NRXN3: variants seen among roughly 807,000 people sequenced by gnomAD.
The protein encoded by NRXN3 is neurexin III.
NRXN3 carries 32 observed loss-of-function variants against 137.6 expected under a neutral mutation model. The ratio of observed to expected loss-of-function variants is 0.23; its 90% confidence interval spans 0.18 to 0.31. The LOEUF is 0.31. Among genes scored for constraint, NRXN3 ranks in the 10% least tolerant of loss-of-function variants. NRXN3 has a pLI of 1.00. For synonymous variants in NRXN3, 798 were observed against 784.5 expected, an observed-to-expected ratio of 1.02 and a Z score of -0.29; for missense variants, 1,574 against 2,062.5, an observed-to-expected ratio of 0.76 and a Z score of 4.59.
intron 4 of NRXN3, among the ~76,000 whole-genome samples, chr14:78,318,647 C>T (rs529730045): frequency 4.6e-4 from 70 of 152,222 alleles, no homozygotes; most frequent in African/African-American, 1.6e-3. Context: ...AATGTCACTG[C>T]GGGTGTTAGC....
At chr14:79,129,606 T>A (rs1188331608) in intron 15 of NRXN3, among the ~76,000 whole-genome samples, 16 of 135,304 alleles carry the variant, frequency 1.2e-4, no homozygotes, top group African/African-American at 3.8e-4. Context: ...AAGTATGTGG[T>A]CAATTTTGGA....
intron 19 of NRXN3, among the ~76,000 whole-genome samples, chr14:79,701,235 G>A (rs913266341): frequency 2.0e-5 from 3 of 152,064 alleles, no homozygotes; most frequent in Non-Finnish European, 2.9e-5. Context: ...TAGCTTACAT[G>A]ACCCCAGACA....
At chr14:79,269,043 C>CTTATTTTATT (rs71131690) in intron 15 of NRXN3, among the ~76,000 whole-genome samples, 49,214 of 150,232 alleles carry the variant, frequency 0.33, 8,443 homozygotes, top group East Asian at 0.44. Flanking sequence ...TTTTATTTTT[C>CTTATTTTATT]TTATTTTATT....
intron 4 of NRXN3, among the ~76,000 whole-genome samples, chr14:78,462,991 A>G (rs573447374): frequency 1.6e-3 from 249 of 152,210 alleles, no homozygotes; most frequent in Middle Eastern, 0.01. Context: ...TTTATCCCTC[A>G]TCCCCTCCCA....
At chr14:78,222,885 A>C (rs2064020905) in intron 1 of NRXN3, among the ~76,000 whole-genome samples, 1 of 152,236 alleles carries the variant, frequency 6.6e-6, no homozygotes, top group Non-Finnish European at 1.5e-5. Flanking sequence ...CAGTGCTAGC[A>C]GCACACTCAG....
At chr14:79,421,807 G>T (rs867730012) in intron 15 of NRXN3, among the ~76,000 whole-genome samples, 2 of 151,432 alleles carry the variant, frequency 1.3e-5, no homozygotes, top group South Asian at 2.1e-4. Context: ...AGCATCAAAA[G>T]AAAAAAAAGT....
chr14:78,421,471 G>A (rs957646405), intron 4 of NRXN3, among the ~76,000 whole-genome samples: 5 of 151,978 alleles, frequency 3.3e-5, no homozygotes, highest in African/African-American at 9.7e-5. Flanking sequence ...TAAAAACTAC[G>A]TTTTAGGAGA....
rs146723254 is a variant in NRXN3, at chr14:78,929,232, G to C, written c.2276-28010G>C. On this transcript the variant is annotated intron_variant, in intron 10 of 20. Transcript: ENST00000335750. ...TTTAATTTTTATTTTGAGTTCAGGG[G>C]TACATGTGCATGTTTTTTATATAGA... Among the ~76,000 whole-genome samples, 1,024 of 152,080 alleles carry C rather than the reference G, an allele frequency of 6.7e-3. 2 individuals carry two copies. Among genetic ancestry groups the C allele is most frequent in the Middle Eastern group, 0.01 (3 of 294 alleles).
At chr14:78,947,140 A>G (rs542175710) in intron 10 of NRXN3, among the ~76,000 whole-genome samples, 6 of 152,306 alleles carry the variant, frequency 3.9e-5, no homozygotes, top group Admixed American at 2.6e-4. Flanking sequence ...CCAGATGCTA[A>G]GAGGATAAGA....
intron 4 of NRXN3, among the ~76,000 whole-genome samples, chr14:78,420,966 T>TA (rs558410156): frequency 6.6e-6 from 1 of 152,334 alleles, no homozygotes; most frequent in South Asian, 2.1e-4. Context: ...GTGTGCTGTG[T>TA]AGACAGCACA....
chr14:78,518,156 G>A (rs141961445), intron 4 of NRXN3, among the ~76,000 whole-genome samples: 18 of 152,228 alleles, frequency 1.2e-4, no homozygotes, highest in Non-Finnish European at 2.4e-4. Flanking sequence ...GGGAGTTAAG[G>A]CATATATGCC....
intron 16 of NRXN3, among the ~76,000 whole-genome samples, chr14:79,606,804 G>A (rs2098025476): frequency 1.3e-5 from 2 of 152,210 alleles, no homozygotes; most frequent in Admixed American, 1.3e-4. Flanking sequence ...TAATACATGG[G>A]TACCACTGTT....
intron 15 of NRXN3, among the ~76,000 whole-genome samples, chr14:79,231,411 A>T (rs1304803706): frequency 1.3e-5 from 2 of 152,210 alleles, no homozygotes; most frequent in Non-Finnish European, 2.9e-5. Flanking sequence ...GGCACAGATG[A>T]GCAAACAGAT....
intron 20 of NRXN3, among the ~76,000 whole-genome samples, chr14:79,829,475 T>C (rs1296673099): frequency 6.6e-6 from 1 of 152,224 alleles, no homozygotes; most frequent in Non-Finnish European, 1.5e-5. Flanking sequence ...TTGTGTAGGA[T>C]TCCTACTGAT....
intron 16 of NRXN3, among the ~76,000 whole-genome samples, chr14:79,498,293 T>C (rs1235301542): frequency 6.6e-6 from 1 of 152,182 alleles, no homozygotes; most frequent in African/African-American, 2.4e-5. Context: ...TTTTTATACA[T>C]GGTAGATGCT....
At chr14:78,783,228 T>C (rs1019402567) in intron 8 of NRXN3, among the ~76,000 whole-genome samples, 3 of 152,218 alleles carry the variant, frequency 2.0e-5, no homozygotes, top group Admixed American at 6.5e-5. Context: ...AACCCCTTGA[T>C]AGAATGCACT....
At chr14:78,620,481 A>G (rs1460064062) in intron 4 of NRXN3, among the ~76,000 whole-genome samples, 3 of 152,188 alleles carry the variant, frequency 2.0e-5, no homozygotes, top group South Asian at 2.1e-4. Flanking sequence ...TCAGAGGTAC[A>G]TGCCCAGTTG....
At chr14:79,351,023 A>C (rs2093180873) in intron 15 of NRXN3, among the ~76,000 whole-genome samples, 1 of 152,202 alleles carries the variant, frequency 6.6e-6, no homozygotes, top group Admixed American at 6.5e-5. Flanking sequence ...CCCCAGAGAC[A>C]CATAGCAGTA....
At chr14:78,803,358 C>T (rs868280577) in intron 8 of NRXN3, among the ~76,000 whole-genome samples, 14 of 152,006 alleles carry the variant, frequency 9.2e-5, no homozygotes, top group Admixed American at 1.3e-4. Context: ...AATTTGGTAC[C>T]CTTCACAAGT....
Sources: allele counts gnomAD v4.1 joint callset (sites outside exome capture counted in the v4.1 genomes callset), GRCh38; gene constraint gnomAD v4.1.1; transcripts MANE v1.5; gene names NCBI Gene and HGNC (gene_info 2026-07-23, HGNC 2026-07-21).